The following ZCCHC2 variants were observed in gnomAD, a reference collection of about 807,000 sequenced individuals.
ZCCHC2 encodes the protein zinc finger CCHC-type containing 2.
A neutral mutation model predicts 103.6 loss-of-function variants in ZCCHC2; 39 were observed. The ratio of observed to expected loss-of-function variants is 0.38; its 90% CI spans 0.29 to 0.49. ZCCHC2 has a LOEUF of 0.49. Among genes scored for constraint, ZCCHC2 ranks in the 20% least tolerant of loss-of-function variants. The pLI, the probability that ZCCHC2 is intolerant of heterozygous loss-of-function variation, is 0.96. For missense variants in ZCCHC2, 1,483 were observed against 1,491.0 expected, an observed-to-expected ratio of 0.99 and a Z score of 0.09; for synonymous variants, 687 against 608.9, an observed-to-expected ratio of 1.13 and a Z score of -1.89.
chr18:62,527,104 C>G (rs907359613), intron 1 of ZCCHC2: 1 of 143,344 alleles, frequency 7.0e-6, no homozygotes, highest in African/African-American at 2.6e-5. Context: ...AAGTGAAGCT[C>G]TTTGGTGTGC....
At chr18:62,533,665 G>A (rs773741180) in intron 1 of ZCCHC2, among the ~76,000 whole-genome samples, 8 of 152,030 alleles carry the variant, frequency 5.3e-5, no homozygotes, top group South Asian at 2.1e-4. Flanking sequence ...CCAGGAGTTC[G>A]AGACCAGCCT....
At chr18:62,563,262 T>A in intron 9 of ZCCHC2, 118 bp downstream of exon 9, 1 of 1,262,766 alleles carries the variant, frequency 7.9e-7, no homozygotes, top group Non-Finnish European at 1.1e-6. Context: ...TGAAGGAATG[T>A]TTAAGTTTTA....
At chr18:62,549,901 A>C (rs2032396) in intron 4 of ZCCHC2, among the ~76,000 whole-genome samples, 23,318 of 152,262 alleles carry the variant, frequency 0.15, 2,330 homozygotes, top group Non-Finnish European at 0.22. Flanking sequence ...AAAACGTAAA[A>C]CAGGAGGCAC....
chr18:62,574,798 G>C lies in ZCCHC2; in HGVS notation c.2717G>C (p.Gly906Ala). 6.2e-7 allele frequency: 1 copy of C among 1,613,934 alleles called. No individual in the cohort carries two copies. The highest frequency in any genetic ancestry group is 8.5e-7 in the Non-Finnish European group (1 of 1,179,872). ...TNVKVVLPAA[G>A]LSAAQPPASY... ...GTGAAGGTAGTTCTTCCAGCAGCTG[G>C]CCTCTCAGCTGCTCAGCCACCAGCT... Residue 906 changes from glycine to alanine, a missense_variant, in exon 13 of 14, where the codon GGC becomes GCC. By Grantham distance (60) the Gly-to-Ala change is moderately conservative (BLOSUM62 0). Around this residue, in one of 3 missense-constraint regions of ZCCHC2, gnomAD observed 884 missense variants for 907.5 expected, o/e 0.97. Coordinates refer to ENST00000269499, the MANE Select transcript of ZCCHC2 (RefSeq NM_017742.6).
intron 4 of ZCCHC2, among the ~76,000 whole-genome samples, chr18:62,549,923 G>T (rs1915592145): frequency 6.6e-6 from 1 of 152,264 alleles, no homozygotes; most frequent in South Asian, 2.1e-4. Context: ...AAAGTGCTAA[G>T]TGCAAAGGCA....
chr18:62,575,963 A>G (rs992517080), intron 13 of ZCCHC2, among the ~76,000 whole-genome samples: 10 of 152,014 alleles, frequency 6.6e-5, no homozygotes, highest in Non-Finnish European at 1.2e-4. Flanking sequence ...ACTATTTAGT[A>G]TATCTGCATA....
chr18:62,566,720 T>C (rs943921467), intron 11 of ZCCHC2, among the ~76,000 whole-genome samples: 2 of 152,130 alleles, frequency 1.3e-5, no homozygotes, highest in Admixed American at 6.5e-5. Context: ...AGGGTTTGAG[T>C]GTTGTGCTCC....
At chr18:62,542,273 C>T (rs145090238) in intron 2 of ZCCHC2, among the ~76,000 whole-genome samples, 1 of 152,050 alleles carries the variant, frequency 6.6e-6, no homozygotes, top group Non-Finnish European at 1.5e-5. Flanking sequence ...CTCAGCATGT[C>T]GTATGGGTAT....
chr18:62,571,182 T>G (rs768576047), intron 12 of ZCCHC2, among the ~76,000 whole-genome samples: 1 of 149,446 alleles, frequency 6.7e-6, no homozygotes, highest in Non-Finnish European at 1.5e-5. Flanking sequence ...GGTAAGAGGC[T>G]GTAACACAGA....
chr18:62,525,183 G>C (rs575105399), intron 1 of ZCCHC2: 1 of 152,172 alleles, frequency 6.6e-6, no homozygotes. Context: ...CGTTAATGTT[G>C]CCCAAAAGAA....
intron 6 of ZCCHC2, among the ~76,000 whole-genome samples, chr18:62,556,579 A>G (rs1261741957): frequency 1.3e-5 from 2 of 152,070 alleles, no homozygotes; most frequent in Admixed American, 1.3e-4. Context: ...GTTCCCTCAC[A>G]GGCTGGAGAC....
chr18:62,558,893 G>A (rs1916001536), intron 7 of ZCCHC2, 123 bp downstream of exon 7: 2 of 579,648 alleles, frequency 3.5e-6, no homozygotes, highest in Non-Finnish European at 5.9e-6. Flanking sequence ...TTACAAATAA[G>A]TGGAGAAGGA....
At chr18:62,539,516 T>C (rs532565673) in intron 1 of ZCCHC2, 165 bp from the exon 2 acceptor site, 1 of 526,768 alleles carries the variant, frequency 1.9e-6, no homozygotes, top group African/African-American at 1.9e-5. Flanking sequence ...CATCTTCTGC[T>C]TGCGGCTCTC....
chr18:62,554,058 C>T lies in ZCCHC2; in HGVS notation c.1314-2145C>T, dbSNP rs117374278. On this transcript the variant is annotated intron_variant, in intron 5 of 13. Coordinates refer to ENST00000269499, the MANE Select transcript of ZCCHC2 (RefSeq NM_017742.6). ...TCAAAAAATATGTTTTCTTCTGATA[C>T]TTCCTTTTTAAAAAAATCTTGGATT... is the stretch of plus-strand genomic sequence containing the variant. 3.5e-3 allele frequency among the ~76,000 whole-genome samples: 535 copies of T among 152,254 alleles called. 3 individuals are homozygous for T. Among genetic ancestry groups the T allele is most frequent in the Non-Finnish European group, 5.7e-3 (385 of 68,018 alleles).
rs564944296 is a variant in ZCCHC2, at chr18:62,557,135, T to C, written c.1408+838T>C. 8.4e-4 allele frequency among the ~76,000 whole-genome samples: 128 copies of C among 152,372 alleles called. 1 individual carries two copies. The South Asian group carries it at 0.015, about 17-fold the overall frequency. ...CACGAAGCTTTGCCAGTTTTTCTTA[T>C]GTTCCGTATGTTGAGTTTTGCCCTC... is the stretch of plus-strand genomic sequence containing the variant. On this transcript the variant is annotated intron_variant, in intron 6 of 13. Transcript: ENST00000269499.
At chr18:62,561,604 G>A (rs1916121571) in intron 8 of ZCCHC2, among the ~76,000 whole-genome samples, 1 of 152,148 alleles carries the variant, frequency 6.6e-6, no homozygotes, top group Non-Finnish European at 1.5e-5. Flanking sequence ...CTTCATTGCA[G>A]TCCTTCGCCA....
rs982057498 is a variant in ZCCHC2, at chr18:62,523,570, C to CGCT, written c.148_149insTGC (p.Pro49_Pro50insLeu). The CGCT allele has an allele frequency of 1.0e-6, 1 of 961,364 alleles. No homozygotes were observed. Among genetic ancestry groups the CGCT allele is most frequent in the African/African-American group, 1.8e-5 (1 of 55,718 alleles). 59.6% of individuals were successfully genotyped at this position (961,364 alleles called of 1,614,324 possible). On this transcript the variant is annotated inframe_insertion, in exon 1 of 14. Transcript: ENST00000269499. ...TGCCGCCCCCCGCCGCCGCCGCCGC[C>CGCT]GCCCGCGGGCCCGTCGCGGGGCCCT... is the stretch of plus-strand genomic sequence containing the variant.
chr18:62,540,562 G>A (rs1915126888), intron 2 of ZCCHC2, among the ~76,000 whole-genome samples: 1 of 151,508 alleles, frequency 6.6e-6, no homozygotes, highest in African/African-American at 2.4e-5. Flanking sequence ...TATTCAAGAC[G>A]ATCACGGTAC....
chr18:62,567,054 T>C (rs1048156138), intron 11 of ZCCHC2, among the ~76,000 whole-genome samples: 6 of 152,246 alleles, frequency 3.9e-5, no homozygotes, highest in African/African-American at 1.4e-4. Context: ...TTCTCCTCTA[T>C]ATCCGTCACC....
Sources: gnomAD v4.1 joint callset for allele counts (sites outside exome capture counted in the v4.1 genomes callset) on GRCh38, gnomAD v4.1.1 for gene constraint, gnomAD v4.1.1 regional missense constraint, MANE v1.5 for transcripts, NCBI Gene and HGNC (gene_info 2026-07-23, HGNC 2026-07-21) for gene names.